The following CACNA1E variants were observed in gnomAD, a reference collection of about 807,000 sequenced individuals.
CACNA1E encodes calcium voltage-gated channel subunit alpha1 E.
CACNA1E carries 40 observed loss-of-function variants against 259.2 expected under a neutral mutation model. The ratio of observed to expected loss-of-function variants is 0.15; its 90% CI spans 0.12 to 0.20. The LOEUF is 0.20. Among genes scored for constraint, CACNA1E ranks in the 10% least tolerant of loss-of-function variants. The pLI is 1.00. For synonymous variants in CACNA1E, 1,104 were observed against 1,138.5 expected (o/e 0.97, Z 0.61); for missense variants, 1,874 against 3,040.1 (o/e 0.62, Z 9.02).
At chr1:181,437,759 G>A (rs2085622) in intron 2 of CACNA1E, among the ~76,000 whole-genome samples, 1 of 151,652 alleles carries the variant, frequency 6.6e-6, no homozygotes, top group Non-Finnish European at 1.5e-5. Flanking sequence ...ATGTAGGTGT[G>A]CCCCAGGGCT....
At chr1:181,701,190 A>C (rs1373136017) in intron 7 of CACNA1E, among the ~76,000 whole-genome samples, 2 of 152,222 alleles carry the variant, frequency 1.3e-5, no homozygotes, top group African/African-American at 4.8e-5. Context: ...CAAAGCTTCA[A>C]CCTGGTAATA....
intron 1 of CACNA1E, among the ~76,000 whole-genome samples, chr1:181,328,088 AAC>A (rs1283746283): frequency 3.3e-5 from 5 of 152,184 alleles, no homozygotes; most frequent in Non-Finnish European, 7.3e-5. Flanking sequence ...GAGCTGCTGT[AAC>A]ACAACACTGT....
At chr1:181,752,377 C>G (rs1451119702) in intron 27 of CACNA1E, 138 bp downstream of exon 27, 2 of 665,814 alleles carry the variant, frequency 3.0e-6, no homozygotes, top group Non-Finnish European at 5.3e-6. Context: ...TTTTCATCTG[C>G]CTGAGCTAAA....
chr1:181,560,074 A>G lies in CACNA1E; in HGVS notation c.513-17692A>G, dbSNP rs563504895. 7.9e-5 allele frequency among the ~76,000 whole-genome samples: 12 copies of G among 152,110 alleles called. No individual in the cohort carries two copies. In the East Asian group the frequency reaches 2.1e-3, roughly 27 times the overall value. On this transcript the variant is annotated intron_variant, in intron 3 of 47. Coordinates refer to ENST00000367573, the MANE Select transcript of CACNA1E (RefSeq NM_001205293.3). The stretch of plus-strand genomic sequence containing the variant: ...TGACCTTTAGTCATATTTGAAGTTT[A>G]GCAATCAGAACATGTACTACAGCTC...
intron 3 of CACNA1E, among the ~76,000 whole-genome samples, chr1:181,544,923 C>G (rs1647285439): frequency 6.6e-6 from 1 of 152,156 alleles, no homozygotes; most frequent in East Asian, 1.9e-4. Flanking sequence ...TGTTTGGAGC[C>G]TTAAGCTAGC....
chr1:181,550,251 T>A (rs1647980695), intron 3 of CACNA1E, among the ~76,000 whole-genome samples: 2 of 151,628 alleles, frequency 1.3e-5, no homozygotes, highest in East Asian at 3.9e-4. Flanking sequence ...GAGGGTGGCT[T>A]TTTTCACCCT....
chr1:181,565,347 C>T (rs1373892353), intron 3 of CACNA1E, among the ~76,000 whole-genome samples: 1 of 152,200 alleles, frequency 6.6e-6, no homozygotes, highest in African/African-American at 2.4e-5. Context: ...AGAAATAGGG[C>T]TCCAGGTCCA....
chr1:181,439,302 A>G (rs574911814), intron 2 of CACNA1E, among the ~76,000 whole-genome samples: 1 of 150,986 alleles, frequency 6.6e-6, no homozygotes, highest in Non-Finnish European at 1.5e-5. Context: ...TTCCCTGTAA[A>G]TTTTAGAAGG....
chr1:181,481,341 C>T (rs1571971618), upstream of CACNA1E, among the ~76,000 whole-genome samples: 4 of 145,450 alleles, frequency 2.8e-5, no homozygotes. Context: ...TTCCTACACA[C>T]ACACACACAC....
chr1:181,501,476 A>G (rs1039019457), intron 1 of CACNA1E, among the ~76,000 whole-genome samples: 2 of 152,314 alleles, frequency 1.3e-5, no homozygotes, highest in Non-Finnish European at 2.9e-5. Context: ...TAAAGTAATG[A>G]GAATTTGGAC....
chr1:181,458,068 T>C (rs1185949360), intron 2 of CACNA1E, among the ~76,000 whole-genome samples: 1 of 152,224 alleles, frequency 6.6e-6, no homozygotes, highest in African/African-American at 2.4e-5. Flanking sequence ...CTCCAGTGCC[T>C]TTTCCTGCCT....
intron 2 of CACNA1E, among the ~76,000 whole-genome samples, chr1:181,450,561 G>A (rs1199679736): frequency 6.6e-6 from 1 of 152,118 alleles, no homozygotes; most frequent in Admixed American, 6.5e-5. Flanking sequence ...TGGCAATTGA[G>A]AGAATTAGAA....
chr1:181,352,542 C>A (rs761638018), intron 1 of CACNA1E, among the ~76,000 whole-genome samples: 2 of 152,184 alleles, frequency 1.3e-5, no homozygotes, highest in Non-Finnish European at 2.9e-5. Context: ...TTGAATTTCT[C>A]TTTATTATTT....
rs185713021 is a variant in CACNA1E, at chr1:181,788,741, T to C, written c.5787-1704T>C. ...GACTTTATGCCCCGGCTTGACAAGG[T>C]TTTCAAAGTAGGAGATCACTCTGGG... is the stretch of plus-strand genomic sequence containing the variant. On this transcript the variant is annotated intron_variant, in intron 43 of 47. Coordinates refer to ENST00000367573, the MANE Select transcript of CACNA1E (RefSeq NM_001205293.3). 3.5e-4 allele frequency among the ~76,000 whole-genome samples: 54 copies of C among 152,196 alleles called. 1 individual carries two copies. The East Asian group carries it at 9.7e-3, about 27-fold the overall frequency.
intron 2 of CACNA1E, among the ~76,000 whole-genome samples, chr1:181,442,644 C>T (rs1275038234): frequency 6.6e-6 from 1 of 152,182 alleles, no homozygotes; most frequent in East Asian, 1.9e-4. Flanking sequence ...AAACAGCCTC[C>T]CAGTGACCTG....
At chr1:181,464,762 A>G (rs1454656323) in intron 2 of CACNA1E, among the ~76,000 whole-genome samples, 2 of 150,370 alleles carry the variant, frequency 1.3e-5, no homozygotes, top group African/African-American at 5.0e-5. Flanking sequence ...CTGAATAGAA[A>G]GAGTTTCAGT....
At chr1:181,409,896 A>G (rs1283940837) in intron 1 of CACNA1E, among the ~76,000 whole-genome samples, 1 of 152,222 alleles carries the variant, frequency 6.6e-6, no homozygotes, top group Non-Finnish European at 1.5e-5. Flanking sequence ...ATGTGATTCA[A>G]ATTGGCAAAG....
chr1:181,521,585 C>G (rs1304306165), intron 3 of CACNA1E, among the ~76,000 whole-genome samples: 1 of 152,196 alleles, frequency 6.6e-6, no homozygotes, highest in Non-Finnish European at 1.5e-5. Flanking sequence ...TGTGTTCAAA[C>G]ATTGTGCTGA....
intron 1 of CACNA1E, among the ~76,000 whole-genome samples, chr1:181,402,954 G>A (rs1478978075): frequency 2.0e-5 from 3 of 152,132 alleles, no homozygotes; most frequent in Non-Finnish European, 4.4e-5. Context: ...TACTTAATGG[G>A]AAAGATAAAA....
Sources: allele counts gnomAD v4.1 joint callset (sites outside exome capture counted in the v4.1 genomes callset), GRCh38; gene constraint gnomAD v4.1.1; transcripts MANE v1.5; gene names NCBI Gene and HGNC (gene_info 2026-07-23, HGNC 2026-07-21).